Variants in TTC6 observed in about 807,000 individuals in gnomAD.
The protein encoded by TTC6 is tetratricopeptide repeat protein 6.
In TTC6, 172 loss-of-function variants were observed where a neutral mutation model predicts 210.4. The ratio of observed to expected loss-of-function variants is 0.82; its 90% CI spans 0.72 to 0.93. The LOEUF (loss-of-function observed/expected upper bound fraction) is 0.93, where lower values mean the gene tolerates loss of function less well. Ranked by LOEUF, TTC6 falls within the 40% of genes least tolerant of loss-of-function variation. The pLI, the probability that TTC6 is intolerant of heterozygous loss-of-function variation, is 0.00. For missense variants in TTC6, 2,414 were observed against 2,318.1 expected, an observed-to-expected ratio of 1.04 and a Z score of -0.85; for synonymous variants, 804 against 819.6, an observed-to-expected ratio of 0.98 and a Z score of 0.32.
At chr14:37,789,618 T>TATATATATATATATA (rs57518932) in intron 15 of TTC6, among the ~76,000 whole-genome samples, 2 of 106,082 alleles carry the variant, frequency 1.9e-5, no homozygotes, top group African/African-American at 7.1e-5. Flanking sequence ...ATATATATAT[T>TATATATATATATATA]GTATATACTC....
At chr14:37,644,542 A>C (rs1250977372) in intron 1 of TTC6, among the ~76,000 whole-genome samples, 1 of 152,248 alleles carries the variant, frequency 6.6e-6, no homozygotes, top group East Asian at 1.9e-4. Flanking sequence ...AAATGAAATC[A>C]CTATCCTTGG....
intron 3 of TTC6, among the ~76,000 whole-genome samples, chr14:37,689,489 T>C (rs1459686432): frequency 6.6e-6 from 1 of 151,658 alleles, no homozygotes; most frequent in Non-Finnish European, 1.5e-5. Context: ...ACCAAGAAAA[T>C]TTAACCCAAA....
At chr14:37,704,881 A>G (rs994402861) in intron 5 of TTC6, among the ~76,000 whole-genome samples, 8 of 152,226 alleles carry the variant, frequency 5.3e-5, no homozygotes, top group Admixed American at 5.2e-4. Flanking sequence ...TATTTTGATA[A>G]GAAGAACATA....
chr14:37,832,553 T>C (rs1028522462), intron 29 of TTC6, among the ~76,000 whole-genome samples: 4 of 152,248 alleles, frequency 2.6e-5, no homozygotes, highest in Admixed American at 2.6e-4. Flanking sequence ...TATTTCCTTC[T>C]GAATTTCTTT....
intron 7 of TTC6, among the ~76,000 whole-genome samples, chr14:37,725,437 G>A (rs2095871149): frequency 6.8e-6 from 1 of 148,128 alleles, no homozygotes; most frequent in South Asian, 2.1e-4. Flanking sequence ...CGCAACCTCC[G>A]CCCCCTGGGT....
intron 1 of TTC6, among the ~76,000 whole-genome samples, chr14:37,631,634 A>G (rs1274759676): frequency 6.6e-6 from 1 of 152,156 alleles, no homozygotes; most frequent in Non-Finnish European, 1.5e-5. Flanking sequence ...TGTTCTCTGT[A>G]TTTTATGAAT....
At chr14:37,617,848 G>A (rs1035373566), upstream of TTC6, among the ~76,000 whole-genome samples, 1 of 152,214 alleles carries the variant, frequency 6.6e-6, no homozygotes, top group African/African-American at 2.4e-5. Flanking sequence ...TAGGAGGTAT[G>A]TCAGTTGAGA....
chr14:37,738,822 C>T (rs1421209779), exon 10 of TTC6: 1 of 1,530,240 alleles, frequency 6.5e-7, no homozygotes, highest in Non-Finnish European at 8.7e-7. Context: ...ATCATAGCTC[C>T]TTTGGAAATC....
intron 1 of TTC6, among the ~76,000 whole-genome samples, chr14:37,661,986 A>G (rs1196282640): frequency 6.6e-6 from 1 of 152,198 alleles, no homozygotes; most frequent in Non-Finnish European, 1.5e-5. Context: ...GTTGGTGTAC[A>G]GGAATGCTAG....
At chr14:37,820,896 T>TCTCCTCCTTCTC (rs1185877580) in intron 26 of TTC6, among the ~76,000 whole-genome samples, 15 of 148,492 alleles carry the variant, frequency 1.0e-4, no homozygotes, top group African/African-American at 3.5e-4. Context: ...TTCTCCTCCT[T>TCTCCTCCTTCTC]CTCCTCCTTC....
chr14:37,604,088 C>T (rs1295838757), intron 1 of TTC6, among the ~76,000 whole-genome samples: 1 of 152,204 alleles, frequency 6.6e-6, no homozygotes, highest in East Asian at 1.9e-4. Flanking sequence ...TGTGCTTTGC[C>T]TTCTAGATCT....
intron 20 of TTC6, among the ~76,000 whole-genome samples, chr14:37,800,212 G>A (rs558071995): frequency 6.6e-6 from 1 of 152,168 alleles, no homozygotes; most frequent in East Asian, 1.9e-4. Flanking sequence ...AGGACTCTGA[G>A]GCAAATGAGC....
At chr14:37,782,090 G>A (rs1281978620) in intron 14 of TTC6, among the ~76,000 whole-genome samples, 3 of 152,144 alleles carry the variant, frequency 2.0e-5, no homozygotes, top group African/African-American at 7.2e-5. Flanking sequence ...TTTTGGCTTA[G>A]GATTGTCTTG....
chr14:37,767,176 C>T (rs1157038617), intron 14 of TTC6, among the ~76,000 whole-genome samples: 1 of 152,200 alleles, frequency 6.6e-6, no homozygotes, highest in Non-Finnish European at 1.5e-5. Flanking sequence ...ATATGTGCCA[C>T]ATTTTCTTAA....
intron 1 of TTC6, among the ~76,000 whole-genome samples, chr14:37,628,762 T>G (rs1349526134): frequency 6.6e-6 from 1 of 152,180 alleles, no homozygotes; most frequent in Non-Finnish European, 1.5e-5. Flanking sequence ...AGTCTTTAAT[T>G]CATCTTGAGT....
intron 5 of TTC6, among the ~76,000 whole-genome samples, chr14:37,703,329 A>C (rs1429754848): frequency 6.6e-6 from 1 of 152,072 alleles, no homozygotes; most frequent in African/African-American, 2.4e-5. Context: ...TTTGATGAGG[A>C]TAATTCTTGG....
intron 6 of TTC6, among the ~76,000 whole-genome samples, chr14:37,717,604 T>C (rs941773816): frequency 6.6e-6 from 1 of 152,190 alleles, no homozygotes; most frequent in Non-Finnish European, 1.5e-5. Context: ...ATGATTTTAC[T>C]AGAGAGAATT....
chr14:37,622,987 A>G (rs1441107696), exon 1 of TTC6: 2 of 1,473,548 alleles, frequency 1.4e-6, no homozygotes, highest in Non-Finnish European at 1.8e-6. Flanking sequence ...GGCCAGAACT[A>G]CGACATTACA....
intron 26 of TTC6, among the ~76,000 whole-genome samples, chr14:37,823,383 A>G (rs1195368249): frequency 6.6e-6 from 1 of 152,200 alleles, no homozygotes; most frequent in African/African-American, 2.4e-5. Context: ...TTGAAAGTAC[A>G]TTTCATCAAT....
Sources: gnomAD v4.1 joint callset for allele counts (sites outside exome capture counted in the v4.1 genomes callset) on GRCh38, gnomAD v4.1.1 for gene constraint, MANE v1.5 for transcripts, NCBI Gene and HGNC (gene_info 2026-07-23, HGNC 2026-07-21) for gene names.